Variants in L3MBTL4 observed in about 807,000 individuals in gnomAD.
L3MBTL4 encodes L3MBTL histone methyl-lysine binding protein 4, also known as lethal(3)malignant brain tumor-like protein 4.
L3MBTL4 carries 70 observed loss-of-function variants against 84.5 expected under a neutral mutation model. The ratio of observed to expected loss-of-function variants is 0.83; its 90% CI spans 0.68 to 1.01. L3MBTL4 has a LOEUF of 1.01. Among genes scored for constraint, L3MBTL4 ranks in the 50% least tolerant of loss-of-function variants. The pLI, the probability that L3MBTL4 is intolerant of heterozygous loss-of-function variation, is 0.00. For missense variants in L3MBTL4, 715 were observed against 754.8 expected (o/e 0.95, Z 0.62); for synonymous variants, 274 against 259.8 (o/e 1.05, Z -0.52).
intron 5 of L3MBTL4, among the ~76,000 whole-genome samples, chr18:6,244,931 G>T (rs999334805): frequency 2.0e-5 from 3 of 152,124 alleles, no homozygotes; most frequent in African/African-American, 7.2e-5. Context: ...AATCAAATAA[G>T]AATTTTTTTT....
chr18:6,398,247 G>T (rs528876417), intron 1 of L3MBTL4, among the ~76,000 whole-genome samples: 1 of 152,182 alleles, frequency 6.6e-6, no homozygotes, highest in East Asian at 1.9e-4. Context: ...GAAAACAGTC[G>T]CAATTGTGGA....
At chr18:6,125,128 C>T (rs2059647130) in intron 14 of L3MBTL4, among the ~76,000 whole-genome samples, 1 of 149,616 alleles carries the variant, frequency 6.7e-6, no homozygotes, top group Non-Finnish European at 1.5e-5. Context: ...GATAGATGCT[C>T]TTACTCCTAA....
At chr18:6,072,220 A>C (rs1226858664) in intron 16 of L3MBTL4, among the ~76,000 whole-genome samples, 2 of 152,276 alleles carry the variant, frequency 1.3e-5, no homozygotes, top group African/African-American at 4.8e-5. Flanking sequence ...ACTTTAACAC[A>C]TTTTTTCAGG....
chr18:6,028,618 A>C, intron 16 of L3MBTL4, among the ~76,000 whole-genome samples: 1 of 152,230 alleles, frequency 6.6e-6, no homozygotes, highest in East Asian at 1.9e-4. Context: ...TCCATAAATT[A>C]CTTTGGGCAG....
intron 14 of L3MBTL4, among the ~76,000 whole-genome samples, chr18:6,127,207 C>A (rs147377946): frequency 1.3e-4 from 20 of 152,308 alleles, no homozygotes. Context: ...GTCCAACTTG[C>A]GGCCCATGGG....
At chr18:6,113,631 G>T (rs973724327) in intron 14 of L3MBTL4, among the ~76,000 whole-genome samples, 1 of 152,000 alleles carries the variant, frequency 6.6e-6, no homozygotes, top group Non-Finnish European at 1.5e-5. Flanking sequence ...TGGTAAAAAT[G>T]GAAAAAGTTT....
At chr18:6,097,511 A>T (rs973623762) in intron 14 of L3MBTL4, among the ~76,000 whole-genome samples, 1 of 151,982 alleles carries the variant, frequency 6.6e-6, no homozygotes, top group Non-Finnish European at 1.5e-5. Flanking sequence ...CTCAGACTGA[A>T]TCTTCTCTCC....
intron 10 of L3MBTL4, among the ~76,000 whole-genome samples, chr18:6,228,694 T>C (rs1318372291): frequency 6.6e-6 from 1 of 152,070 alleles, no homozygotes; most frequent in African/African-American, 2.4e-5. Context: ...CACCACACAC[T>C]TACAGAAAAG....
chr18:6,181,903 G>A (rs1054859880), intron 12 of L3MBTL4, among the ~76,000 whole-genome samples: 6 of 152,060 alleles, frequency 3.9e-5, no homozygotes, highest in Admixed American at 3.3e-4. Context: ...TCTTTATCCA[G>A]TCTACCACTG....
intron 12 of L3MBTL4, among the ~76,000 whole-genome samples, chr18:6,181,079 G>A (rs991724807): frequency 1.3e-5 from 2 of 152,062 alleles, no homozygotes; most frequent in African/African-American, 4.8e-5. Context: ...TAGATTAGAG[G>A]TTAATAGGGT....
At chr18:6,017,148 GA>G (rs1191746079) in intron 16 of L3MBTL4, among the ~76,000 whole-genome samples, 2 of 152,314 alleles carry the variant, frequency 1.3e-5, no homozygotes, top group East Asian at 3.9e-4. Flanking sequence ...AAAGAAAGAA[GA>G]AAATGGCCAC....
At chr18:5,957,637 G>A (rs1453464958) in intron 18 of L3MBTL4, among the ~76,000 whole-genome samples, 1 of 151,962 alleles carries the variant, frequency 6.6e-6, no homozygotes, top group Non-Finnish European at 1.5e-5. Context: ...TTAGAACTGT[G>A]GTTCTAAACC....
chr18:6,335,397 G>T (rs2052280937), intron 1 of L3MBTL4, among the ~76,000 whole-genome samples: 2 of 152,054 alleles, frequency 1.3e-5, no homozygotes, highest in South Asian at 4.1e-4. Context: ...GTCCTCAATT[G>T]CTCTTTTAGA....
chr18:6,168,166 G>A (rs1470889621), intron 13 of L3MBTL4, among the ~76,000 whole-genome samples: 1 of 152,068 alleles, frequency 6.6e-6, no homozygotes, highest in African/African-American at 2.4e-5. Context: ...ACTGCTCAAT[G>A]AAATAAAAGA....
intron 16 of L3MBTL4, among the ~76,000 whole-genome samples, chr18:5,980,350 A>G (rs2053153885): frequency 6.6e-6 from 1 of 151,994 alleles, no homozygotes; most frequent in East Asian, 1.9e-4. Flanking sequence ...AAGTGAAACA[A>G]AGCATCCCCG....
chr18:6,125,650 G>A (rs890372270), intron 14 of L3MBTL4, among the ~76,000 whole-genome samples: 1 of 152,046 alleles, frequency 6.6e-6, no homozygotes, highest in Non-Finnish European at 1.5e-5. Context: ...GGCTGGTCTC[G>A]AACTGCTGGG....
chr18:6,360,237 A>T (rs150649455), intron 1 of L3MBTL4, among the ~76,000 whole-genome samples: 9 of 152,186 alleles, frequency 5.9e-5, no homozygotes, highest in Admixed American at 2.0e-4. Flanking sequence ...CGGGGTGTGG[A>T]GGTGTGCACT....
chr18:6,311,783 T>A, intron 2 of L3MBTL4, 127 bp from the exon 3 acceptor site: 2 of 609,964 alleles, frequency 3.3e-6, no homozygotes, highest in Non-Finnish European at 5.9e-6. Context: ...CCTGATAAGT[T>A]GACAAAAACT....
chr18:6,404,671 G>A (rs2055650689), intron 1 of L3MBTL4, among the ~76,000 whole-genome samples: 1 of 150,396 alleles, frequency 6.6e-6, no homozygotes, highest in Non-Finnish European at 1.5e-5. Context: ...TAATTTATAA[G>A]CAATTTCTTT....
Sources: gnomAD v4.1 joint callset for allele counts (sites outside exome capture counted in the v4.1 genomes callset) on GRCh38, gnomAD v4.1.1 for gene constraint, MANE v1.5 for transcripts, NCBI Gene and HGNC (gene_info 2026-07-23, HGNC 2026-07-21) for gene names.